POLA1: variants seen among roughly 807,000 people sequenced by gnomAD.
POLA1 encodes the protein DNA polymerase alpha catalytic subunit.
In POLA1, 15 loss-of-function variants were observed where a neutral mutation model predicts 124.0. The observed-to-expected ratio is 0.12, with a 90% CI of 0.08 to 0.19. POLA1 has a LOEUF of 0.19. Among genes scored for constraint, POLA1 ranks in the 10% least tolerant of loss-of-function variants. The pLI is 1.00. For synonymous variants in POLA1, 408 were observed against 389.4 expected, an observed-to-expected ratio of 1.05 and a Z score of -0.56; for missense variants, 886 against 1,103.4, an observed-to-expected ratio of 0.80 and a Z score of 2.79.
chrX:24,742,171 C>CT (rs372266358), intron 22 of POLA1, 50 bp downstream of exon 22: 34 of 571,127 alleles, frequency 6.0e-5, no homozygotes, highest in African/African-American at 1.4e-4. Context: ...CCCCCCCCCC[C>CT]TTTTAATACC....
At chrX:24,734,114 A>T (rs1931115547) in intron 17 of POLA1, 2 of 151,916 alleles carry the variant, frequency 1.3e-5, no homozygotes, top group Non-Finnish European at 2.6e-5. Context: ...TGATCATATG[A>T]TTCCTGTTTT....
At chrX:24,867,372 CTCGGAAAGTTCTAG>C (rs1319940684) in intron 34 of POLA1, among the ~76,000 whole-genome samples, 2 of 111,188 alleles carry the variant, frequency 1.8e-5, no homozygotes, top group African/African-American at 6.5e-5. Context: ...CCTAGAGTTA[CTCGGAAAGTTCTAG>C]TCTCATTTGT....
intron 4 of POLA1, among the ~76,000 whole-genome samples, chrX:24,709,011 G>C (rs1246646845): frequency 1.0e-5 from 1 of 96,257 alleles, no homozygotes; most frequent in Non-Finnish European, 2.2e-5. Context: ...GGCCGGGCAG[G>C]GGGGCTGACC....
chrX:24,800,967 C>G (rs2045695262), intron 26 of POLA1, among the ~76,000 whole-genome samples: 1 of 111,864 alleles, frequency 8.9e-6, no homozygotes, highest in Non-Finnish European at 1.9e-5. Context: ...AGAAGCCTTT[C>G]AGAAATTGTT....
At chrX:24,954,854 G>C (rs1332921941) in intron 36 of POLA1, among the ~76,000 whole-genome samples, 1 of 111,703 alleles carries the variant, frequency 9.0e-6, no homozygotes, top group Non-Finnish European at 1.9e-5. Context: ...TAAGAGGGCA[G>C]GCTGGCCCAG....
At chrX:24,723,096 C>A in intron 10 of POLA1, 59 bp from the exon 11 acceptor site, 1 of 818,861 alleles carries the variant, frequency 1.2e-6, no homozygotes, top group Non-Finnish European at 1.9e-6. Flanking sequence ...CTATATTGTT[C>A]CTTTAATTAG....
intron 21 of POLA1, 140 bp from the exon 22 acceptor site, chrX:24,741,861 CT>C (rs200595954): frequency 0.07 from 22,691 of 325,790 alleles, no homozygotes; most frequent in East Asian, 0.093. Flanking sequence ...AATTTAGTAC[CT>C]TTTTTTTTTT....
intron 4 of POLA1, among the ~76,000 whole-genome samples, chrX:24,705,734 A>C (rs1045309238): frequency 9.4e-6 from 1 of 105,827 alleles, no homozygotes; most frequent in African/African-American, 3.5e-5. Context: ...GTCTTTCATG[A>C]CATTGATTTT....
intron 35 of POLA1, among the ~76,000 whole-genome samples, chrX:24,922,711 A>G (rs1041759400): frequency 2.7e-5 from 3 of 111,557 alleles, no homozygotes; most frequent in African/African-American, 9.8e-5. Flanking sequence ...ACCTCATTCT[A>G]CCACTACATT....
intron 26 of POLA1, among the ~76,000 whole-genome samples, chrX:24,768,306 C>T (rs1204594877): frequency 8.9e-6 from 1 of 111,932 alleles, no homozygotes; most frequent in Non-Finnish European, 1.9e-5. Context: ...GAACAGAATT[C>T]TTAAGGAAGA....
At chrX:24,721,864 G>A (rs1397906689) in intron 10 of POLA1, among the ~76,000 whole-genome samples, 1 of 111,494 alleles carries the variant, frequency 9.0e-6, no homozygotes, top group Non-Finnish European at 1.9e-5. Flanking sequence ...ATTTTTCTTT[G>A]CATAGCATTT....
intron 35 of POLA1, among the ~76,000 whole-genome samples, chrX:24,891,175 A>G (rs1431838981): frequency 2.7e-5 from 3 of 112,084 alleles, no homozygotes; most frequent in African/African-American, 9.7e-5. Flanking sequence ...TTAGATTTCA[A>G]AGTGACTTGT....
intron 35 of POLA1, among the ~76,000 whole-genome samples, chrX:24,900,697 TC>T (rs1303811717): frequency 8.9e-6 from 1 of 111,779 alleles, no homozygotes; most frequent in East Asian, 2.8e-4. Flanking sequence ...CCTTCATTGT[TC>T]CTGCATTTAC....
intron 19 of POLA1, among the ~76,000 whole-genome samples, chrX:24,738,477 TAAAAA>T (rs1179096946): frequency 9.6e-6 from 1 of 104,560 alleles, no homozygotes; most frequent in African/African-American, 3.5e-5. Context: ...TATCTTGTAA[TAAAAA>T]AAAAAGGAAA....
chrX:24,851,703 C>T (rs1388547137), intron 34 of POLA1, among the ~76,000 whole-genome samples: 1 of 113,021 alleles, frequency 8.8e-6, no homozygotes, highest in Admixed American at 9.3e-5. Flanking sequence ...TATCTGAAAA[C>T]AAGTGGGTAA....
At chrX:24,897,132 G>T (rs1384900940) in intron 35 of POLA1, among the ~76,000 whole-genome samples, 1 of 111,800 alleles carries the variant, frequency 8.9e-6, no homozygotes, top group Non-Finnish European at 1.9e-5. Context: ...CTTTATTGGT[G>T]AGGTGTAAAT....
chrX:24,851,349 G>T (rs941158986), intron 34 of POLA1, among the ~76,000 whole-genome samples: 11 of 112,743 alleles, frequency 9.8e-5, no homozygotes, highest in South Asian at 7.5e-4. Flanking sequence ...TCAAGACTGT[G>T]ACCATACTTG....
At chrX:24,874,816 G>A (rs746825575) in intron 34 of POLA1, among the ~76,000 whole-genome samples, 12 of 111,528 alleles carry the variant, frequency 1.1e-4, no homozygotes, top group South Asian at 3.8e-4. Flanking sequence ...TGGGGGTGGC[G>A]CTGTGTTGTA....
At chrX:24,815,832 A>G (rs1301937670) in intron 30 of POLA1, among the ~76,000 whole-genome samples, 1 of 112,108 alleles carries the variant, frequency 8.9e-6, no homozygotes, top group Admixed American at 9.4e-5. Flanking sequence ...ATGAAGACTC[A>G]TTCATAGTAC....
Sources: gnomAD v4.1 joint callset for allele counts (sites outside exome capture counted in the v4.1 genomes callset) on GRCh38, gnomAD v4.1.1 for gene constraint, MANE v1.5 for transcripts, NCBI Gene and HGNC (gene_info 2026-07-23, HGNC 2026-07-21) for gene names.